Variants in ZNF469 observed in about 807,000 individuals in gnomAD.
ZNF469 encodes the protein zinc finger protein 469.
Under a neutral mutation model 1.0 loss-of-function variants are expected in ZNF469, and 1 was observed. That is an observed-to-expected ratio of 1.00 (90% confidence interval 0.35 to 4.73). The LOEUF is 4.73. Ranked by LOEUF, ZNF469 falls within the 30% of genes most tolerant of loss-of-function variation. The probability of loss-of-function intolerance (pLI) is 0.16; values close to 1 mark genes in which losing one functional copy is unlikely to be tolerated. For missense variants in ZNF469, 6,100 were observed against 5,356.3 expected (o/e 1.14, Z -4.33); for synonymous variants, 2,703 against 2,363.4 (o/e 1.14, Z -4.17).
At chr16:88,222,122 C>G in the ZNF469 span, among the ~76,000 whole-genome samples, 2 of 152,174 alleles carry the variant, frequency 1.3e-5, no homozygotes, top group Admixed American at 6.5e-5. Flanking sequence ...TAGGCACATA[C>G]TCTCATCCGC....
chr16:88,158,673 C>T, the ZNF469 span, among the ~76,000 whole-genome samples: 4 of 152,212 alleles, frequency 2.6e-5, no homozygotes, highest in African/African-American at 7.2e-5. Context: ...GAGAATGTGG[C>T]CACCGCTGCC....
the ZNF469 span, among the ~76,000 whole-genome samples, chr16:88,213,292 A>G: frequency 6.6e-6 from 1 of 151,914 alleles, no homozygotes; most frequent in South Asian, 2.1e-4. Context: ...GTAGAGACAG[A>G]GTTTCACTGT....
the ZNF469 span, among the ~76,000 whole-genome samples, chr16:88,150,465 C>T: frequency 1.3e-5 from 2 of 152,278 alleles, no homozygotes; most frequent in Admixed American, 6.5e-5. Context: ...AAAATCTAGA[C>T]TTGCCCTCTG....
the ZNF469 span, among the ~76,000 whole-genome samples, chr16:88,289,786 C>A: frequency 6.6e-6 from 1 of 152,180 alleles, no homozygotes; most frequent in African/African-American, 2.4e-5. Context: ...CAGAAACTGG[C>A]AGATGCGCAT....
chr16:88,230,811 C>T, the ZNF469 span, among the ~76,000 whole-genome samples: 10 of 152,340 alleles, frequency 6.6e-5, no homozygotes, highest in East Asian at 1.9e-4. Flanking sequence ...GAAGCGGCTG[C>T]TCCCATGGCC....
intron 1 of ZNF469, among the ~76,000 whole-genome samples, chr16:88,422,399 GGATA>G (rs756441042): frequency 2.0e-5 from 3 of 148,290 alleles, no homozygotes; most frequent in Non-Finnish European, 4.5e-5. Flanking sequence ...ATGGGTGGGT[GGATA>G]GATGGGTGGA....
chr16:88,435,667 G>C lies in ZNF469; in HGVS notation c.8197G>C (p.Gly2733Arg). 6.4e-7 allele frequency: 1 copy of C among 1,550,564 alleles called. No homozygotes were observed. Among genetic ancestry groups the C allele is most frequent in the Non-Finnish European group, 8.7e-7 (1 of 1,146,994 alleles). Reference protein sequence around the residue: ...KPPGDRMLCPGRMDGAALGEQ... With the variant: ...KPPGDRMLCPRRMDGAALGEQ... ...ACCTGGAGATCGGATGCTGTGTCCA[G>C]GGAGGATGGATGGTGCAGCTCTGGG... Residue 2733 changes from glycine (G) to arginine (R), a missense_variant, in exon 3 of 3, where the codon GGG becomes CGG. Physicochemically the swap from Gly to Arg is moderately radical, Grantham distance 125 (BLOSUM62 -2). Coordinates refer to ENST00000565624, the MANE Select transcript of ZNF469 (RefSeq NM_001367624.2).
the ZNF469 span, among the ~76,000 whole-genome samples, chr16:88,319,881 C>T: frequency 6.6e-6 from 1 of 152,242 alleles, no homozygotes; most frequent in Non-Finnish European, 1.5e-5. Context: ...CCCTATCTTC[C>T]AAGGAAAGGT....
chr16:88,403,006 G>A (rs74032843), intron 1 of ZNF469, among the ~76,000 whole-genome samples: 13,842 of 152,280 alleles, frequency 0.091, 902 homozygotes, highest in African/African-American at 0.18. Context: ...AACACCCGCC[G>A]TGCATACCAG....
At position 88,437,378 on chromosome 16, in the gene ZNF469, GC is replaced by G; in HGVS notation, c.9915del (p.Arg3306GlyfsTer132). 3 of 1,538,024 alleles carry G rather than the reference GC, an allele frequency of 2.0e-6. No homozygotes were observed. The highest frequency in any genetic ancestry group is 1.2e-5 in the South Asian group (1 of 82,958). On this transcript the variant is annotated frameshift_variant, in exon 3 of 3. Transcript: ENST00000565624. LOFTEE classifies it low-confidence loss of function (END_TRUNC). ...ATALADAGSP[G>X]PPRTTPSPSP... ...GCCCTGGCTGACGCCGGCAGCCCGG[GC>G]CCCCCCAGGACGACCCCCAGCCCGT...
At chr16:88,421,514 C>G (rs555437869) in intron 1 of ZNF469, among the ~76,000 whole-genome samples, 43 of 152,296 alleles carry the variant, frequency 2.8e-4, no homozygotes, top group African/African-American at 9.9e-4. Context: ...AGGACTGGGA[C>G]GCGTCCCCGA....
the ZNF469 span, among the ~76,000 whole-genome samples, chr16:88,251,600 C>A: frequency 8.5e-6 from 1 of 118,086 alleles, no homozygotes; most frequent in Non-Finnish European, 1.6e-5. Context: ...GCTGTGTCGC[C>A]CAGGTTACAA....
the ZNF469 span, among the ~76,000 whole-genome samples, chr16:88,187,715 A>ATTTTTTTTTTTT: frequency 1.4e-5 from 2 of 140,204 alleles, no homozygotes; most frequent in South Asian, 2.3e-4. Context: ...GATTGCCTGC[A>ATTTTTTTTTTTT]TTTTTTTTTT....
At chr16:88,119,686 C>A in the ZNF469 span, among the ~76,000 whole-genome samples, 1 of 152,148 alleles carries the variant, frequency 6.6e-6, no homozygotes, top group Non-Finnish European at 1.5e-5. Context: ...GCTGGCCGGC[C>A]CAGCTCTGGA....
At chr16:88,326,235 G>C in the ZNF469 span, among the ~76,000 whole-genome samples, 1 of 152,188 alleles carries the variant, frequency 6.6e-6, no homozygotes, top group African/African-American at 2.4e-5. Context: ...TCGTGATAGT[G>C]AATAAGCCTC....
Position 88,435,958 on chromosome 16 carries a change from G to A in ZNF469, c.8488G>A (p.Gly2830Arg), listed in dbSNP as rs1906540900. ...GLPDNPDTQG[G>R]VQGPEGPTPD... ...CCCGGACAACCCAGACACCCAGGGT[G>A]GAGTCCAGGGGCCTGAAGGCCCCAC... is the stretch of plus-strand genomic sequence containing the variant. Residue 2830 changes from glycine to arginine, a missense_variant, in exon 3 of 3, where the codon GGA becomes AGA. Transcript: ENST00000565624. The A allele has an allele frequency of 1.3e-6, 2 of 1,550,012 alleles. No individual in the cohort carries two copies. Among genetic ancestry groups the A allele is most frequent in the South Asian group, 2.4e-5 (2 of 84,066 alleles).
the ZNF469 span, among the ~76,000 whole-genome samples, chr16:88,189,685 C>T: frequency 7.9e-5 from 12 of 152,156 alleles, no homozygotes; most frequent in East Asian, 1.2e-3. The surrounding 1 kb of genome is among the most constrained non-coding windows in gnomAD (Gnocchi z 4.3). Flanking sequence ...TTTGGGAGGC[C>T]GAGGTGGGTG....
At chr16:88,311,306 T>G in the ZNF469 span, among the ~76,000 whole-genome samples, 1 of 152,176 alleles carries the variant, frequency 6.6e-6, no homozygotes, top group Non-Finnish European at 1.5e-5. Context: ...AAGCTGAAAC[T>G]GCAGGTCCCC....
At chr16:88,150,057 C>T in the ZNF469 span, among the ~76,000 whole-genome samples, 2 of 152,218 alleles carry the variant, frequency 1.3e-5, no homozygotes, top group Non-Finnish European at 2.9e-5. Context: ...CCTATAATCC[C>T]AGCACTTTGA....
Sources: allele counts gnomAD v4.1 joint callset (sites outside exome capture counted in the v4.1 genomes callset), GRCh38; gene constraint gnomAD v4.1.1; non-coding constraint Gnocchi (gnomAD v3.1); transcripts MANE v1.5; gene names NCBI Gene and HGNC (gene_info 2026-07-23, HGNC 2026-07-21).